Variants in HYAL4 observed in about 807,000 individuals in gnomAD.
The protein encoded by HYAL4 is hyaluronidase-4.
Under a neutral mutation model 35.2 loss-of-function variants are expected in HYAL4, and 37 were observed. The observed-to-expected ratio is 1.05, with a 90% CI of 0.81 to 1.38. The LOEUF (loss-of-function observed/expected upper bound fraction) is 1.38. HYAL4 is among the 40% of genes most tolerant of loss of function. The probability of loss-of-function intolerance (pLI) is 0.00; values close to 1 mark genes in which losing one functional copy is unlikely to be tolerated. For missense variants in HYAL4, 572 were observed against 572.4 expected, an observed-to-expected ratio of 1.00 and a Z score of 0.01; for synonymous variants, 198 against 203.2, an observed-to-expected ratio of 0.97 and a Z score of 0.22.
At chr7:123,787,129 AAAAAG>A in the HYAL4 span, among the ~76,000 whole-genome samples, 1 of 146,946 alleles carries the variant, frequency 6.8e-6, no homozygotes, top group Non-Finnish European at 1.5e-5. Flanking sequence ...AAAAAAAAAG[AAAAAG>A]AAAAAAAAAG....
the HYAL4 span, among the ~76,000 whole-genome samples, chr7:123,818,865 G>T: frequency 6.6e-6 from 1 of 151,940 alleles, no homozygotes; most frequent in Non-Finnish European, 1.5e-5. Context: ...ATGTTTTGAG[G>T]TACATATACA....
intron 1 of HYAL4, among the ~76,000 whole-genome samples, chr7:123,833,462 G>T (rs1398227884): frequency 3.3e-5 from 5 of 151,962 alleles, no homozygotes; most frequent in African/African-American, 1.2e-4. Flanking sequence ...TGAGTTTGTT[G>T]TAGATTCTGG....
upstream of HYAL4, among the ~76,000 whole-genome samples, chr7:123,840,457 C>CAGGTCCCTCAGCTGCAGGTCTGTTGGAG (rs1256842060): frequency 6.6e-6 from 1 of 151,978 alleles, no homozygotes. Context: ...TTAGGATTGT[C>CAGGTCCCTCAGCTGCAGGTCTGTTGGAG]TTGGCAATGT....
rs150023415 is a variant in HYAL4, at chr7:123,873,181, C to T, written c.955-1580C>T. On this transcript the variant is annotated intron_variant, in intron 3 of 4. Transcript: ENST00000223026. ...CTTGGTACTGCAGGGATGGCTCCTC[C>T]TCTGTCCCTGTTCATCGTGCCATTG... Among the ~76,000 whole-genome samples the T allele has an allele frequency of 6.1e-3, 928 of 152,238 alleles. 11 individuals carry two copies. Among genetic ancestry groups the T allele is most frequent in the Middle Eastern group, 0.041 (12 of 294 alleles).
the HYAL4 span, among the ~76,000 whole-genome samples, chr7:123,786,337 C>T: frequency 6.6e-6 from 1 of 152,186 alleles, no homozygotes; most frequent in African/African-American, 2.4e-5. Context: ...GGTTTGCTTG[C>T]ACTCACTATG....
the HYAL4 span, among the ~76,000 whole-genome samples, chr7:123,790,175 G>A: frequency 6.6e-6 from 1 of 152,282 alleles, no homozygotes; most frequent in Non-Finnish European, 1.5e-5. Flanking sequence ...GACCGTCAGA[G>A]CTGTCATGAA....
the HYAL4 span, among the ~76,000 whole-genome samples, chr7:123,795,259 A>G: frequency 1.3e-5 from 2 of 152,174 alleles, no homozygotes; most frequent in Admixed American, 1.3e-4. Context: ...CTTAAGCAGA[A>G]GGGACTTGCT....
the HYAL4 span, among the ~76,000 whole-genome samples, chr7:123,788,900 G>C: frequency 9.9e-4 from 150 of 152,250 alleles, no homozygotes; most frequent in African/African-American, 3.5e-3. Flanking sequence ...TCTTTAGATA[G>C]CTAAAGCCCC....
At chr7:123,850,401 G>A (rs1347057899) in intron 2 of HYAL4, among the ~76,000 whole-genome samples, 1 of 151,924 alleles carries the variant, frequency 6.6e-6, no homozygotes. Context: ...ACCACCAGCC[G>A]GCTAATTTTT....
chr7:123,773,561 G>A, the HYAL4 span, among the ~76,000 whole-genome samples: 3 of 152,110 alleles, frequency 2.0e-5, no homozygotes, highest in East Asian at 3.9e-4. Context: ...TTATCTCACA[G>A]AATGTTTTTA....
the HYAL4 span, among the ~76,000 whole-genome samples, chr7:123,801,690 C>G: frequency 6.6e-6 from 1 of 151,756 alleles, no homozygotes; most frequent in Non-Finnish European, 1.5e-5. Context: ...TGTCCTAGTC[C>G]TCAATTTTGC....
chr7:123,844,409 TC>T (rs1806132917), upstream of HYAL4: 2 of 118 alleles, frequency 0.017, no homozygotes, highest in African/African-American at 0.062. Context: ...GGAAGCTTCG[TC>T]CCAGAGGGCA....
intron 2 of HYAL4, among the ~76,000 whole-genome samples, chr7:123,860,315 A>G (rs1440965603): frequency 6.6e-6 from 1 of 152,190 alleles, no homozygotes; most frequent in East Asian, 1.9e-4. Context: ...GTGTGAGAAC[A>G]GACTAATATA....
At chr7:123,783,075 G>T in the HYAL4 span, among the ~76,000 whole-genome samples, 2 of 151,892 alleles carry the variant, frequency 1.3e-5, no homozygotes, top group Non-Finnish European at 2.9e-5. Flanking sequence ...CTAAAGTGTA[G>T]CATTGATATG....
At chr7:123,770,564 AGT>A in the HYAL4 span, among the ~76,000 whole-genome samples, 2 of 152,108 alleles carry the variant, frequency 1.3e-5, no homozygotes, top group Non-Finnish European at 2.9e-5. Flanking sequence ...CTGAGTGGAC[AGT>A]GTGAACAAAG....
chr7:123,848,053 C>T (rs1255476527), intron 1 of HYAL4, 36 bp from the exon 2 acceptor site: 2 of 152,614 alleles, frequency 1.3e-5, no homozygotes, highest in African/African-American at 4.8e-5. Context: ...GACTGAGTCA[C>T]CCCTGTAATA....
intron 2 of HYAL4, among the ~76,000 whole-genome samples, chr7:123,859,641 A>C (rs1251296754): frequency 6.6e-6 from 1 of 152,216 alleles, no homozygotes; most frequent in African/African-American, 2.4e-5. Flanking sequence ...TTCTCAAATA[A>C]AATTATAAAA....
chr7:123,808,050 C>A, the HYAL4 span, among the ~76,000 whole-genome samples: 1 of 151,496 alleles, frequency 6.6e-6, no homozygotes, highest in Non-Finnish European at 1.5e-5. Flanking sequence ...GGTGTGATTA[C>A]AGGCATGAGG....
the HYAL4 span, among the ~76,000 whole-genome samples, chr7:123,796,269 G>T: frequency 1.3e-5 from 2 of 152,150 alleles, no homozygotes; most frequent in African/African-American, 4.8e-5. Context: ...TCCAGACCTG[G>T]CCAAACCTGA....
Sources: allele counts gnomAD v4.1 joint callset (sites outside exome capture counted in the v4.1 genomes callset), GRCh38; gene constraint gnomAD v4.1.1; transcripts MANE v1.5; gene names NCBI Gene and HGNC (gene_info 2026-07-23, HGNC 2026-07-21).